Variants in DELE1 observed in about 807,000 individuals in gnomAD.
DELE1 encodes the protein DAP3 binding cell death enhancer 1.
Under a neutral mutation model 59.3 loss-of-function variants are expected in DELE1, and 54 were observed. The observed-to-expected ratio is 0.91, with a 90% confidence interval of 0.73 to 1.14. The LOEUF (loss-of-function observed/expected upper bound fraction) is 1.14. Among genes scored for constraint, DELE1 ranks in the 50% most tolerant of loss-of-function variants. The pLI is 0.00. For missense variants in DELE1, 636 were observed against 643.9 expected (o/e 0.99, Z 0.13); for synonymous variants, 264 against 259.1 (o/e 1.02, Z -0.18).
In DELE1 at chr5:141,930,010, T is replaced by C. The variant is rs1465196119; in HGVS notation, c.593T>C (p.Leu198Pro). Residue 198 changes from leucine (L) to proline (P), a missense_variant, in exon 6 of 12, where the codon CTG (leucine) becomes CCG (proline). By Grantham distance (98) the Leu-to-Pro change is moderately conservative. Coordinates refer to ENST00000432126, the MANE Select transcript of DELE1 (RefSeq NM_014773.5). ...SEEGPGDFGF[L>P]HASSSIESEA... ...GCAGGTCCCGGTGATTTTGGCTTCC[T>C]GCATGCCAGTAGTAGCATCGAGTCC... 6.2e-7 allele frequency: 1 copy of C among 1,614,180 alleles called. No individual in the cohort carries two copies. The highest frequency in any genetic ancestry group is 1.1e-5 in the South Asian group (1 of 91,084).
chr5:141,924,892 T>G (rs1751260485), intron 2 of DELE1, among the ~76,000 whole-genome samples, 197 bp downstream of exon 2: 1 of 151,560 alleles, frequency 6.6e-6, no homozygotes, highest in African/African-American at 2.4e-5. Flanking sequence ...GTAGCTGGGA[T>G]TACAGGCACC....
Position 141,940,499 on chromosome 5 carries a change from G to A in DELE1, c.*1740G>A. 1.0e-6 allele frequency: 1 copy of A among 985,398 alleles called. No homozygotes were observed. Among genetic ancestry groups the A allele is most frequent in the Non-Finnish European group, 1.2e-6 (1 of 829,954 alleles). 61.0% of individuals were successfully genotyped at this position (985,398 alleles called of 1,614,324 possible). A position where few individuals can be genotyped will look rare whatever the true frequency, so the allele number is the denominator to read the frequency against. Reference sequence around the variant, plus strand: ...ACCAGCCTGGCCAATTCAAAGGCAAGAAGATTTGAGGGGGGAAAGTTGTCC... The same window carrying A: ...ACCAGCCTGGCCAATTCAAAGGCAAAAAGATTTGAGGGGGGAAAGTTGTCC... On this transcript the variant is annotated 3_prime_UTR_variant, in exon 12 of 12. Coordinates refer to ENST00000432126, the MANE Select transcript of DELE1 (RefSeq NM_014773.5).
At position 141,940,691 on chromosome 5, in the gene DELE1, C is replaced by T. The variant is rs2126907598; in HGVS notation, c.*1932C>T. 2.0e-6 allele frequency: 2 copies of T among 979,246 alleles called. No individual in the cohort carries two copies. The highest frequency in any genetic ancestry group is 5.3e-4 in the Middle Eastern group (1 of 1,902). The allele number at this position is 979,246 out of a possible 1,614,324, so 60.7% of individuals were successfully genotyped here. A position where few individuals can be genotyped will look rare whatever the true frequency, so the allele number is the denominator to read the frequency against. ...GGCTGCCCTGCACACTGGCTCACCACTGTTGGACCCTGCACATGGCCACCT... is the reference window on the plus strand; with the variant it reads ...GGCTGCCCTGCACACTGGCTCACCATTGTTGGACCCTGCACATGGCCACCT... On this transcript the variant is annotated 3_prime_UTR_variant, in exon 12 of 12. Transcript: ENST00000432126.
chr5:141,939,946 C>T lies in DELE1; in HGVS notation c.*1187C>T, dbSNP rs1752639030. The T allele has an allele frequency of 1.1e-6, 1 of 933,150 alleles. No homozygotes were observed. Among genetic ancestry groups the T allele is most frequent in the South Asian group, 4.9e-5 (1 of 20,238 alleles). The allele number at this position is 933,150 out of a possible 1,614,324, so 57.8% of individuals were successfully genotyped here. On this transcript the variant is annotated 3_prime_UTR_variant, in exon 12 of 12. Coordinates refer to ENST00000432126, the MANE Select transcript of DELE1 (RefSeq NM_014773.5). ...TGGGCCAGGGTGAGGACCTGGGCCT[C>T]CTGACTCCTGGCCCAGAGTTCTTGT...
intron 4 of DELE1, among the ~76,000 whole-genome samples, chr5:141,928,501 C>T (rs1751612778): frequency 6.6e-6 from 1 of 152,222 alleles, no homozygotes; most frequent in Non-Finnish European, 1.5e-5. Flanking sequence ...CATTTCCTCC[C>T]ATCACCTCCA....
intron 3 of DELE1, among the ~76,000 whole-genome samples, chr5:141,927,814 C>G (rs1299807935): frequency 1.3e-5 from 2 of 152,186 alleles, no homozygotes; most frequent in Non-Finnish European, 2.9e-5. Flanking sequence ...CTTGATCAAG[C>G]ATTTATTCAG....
At chr5:141,927,070 C>G (rs893636826) in intron 3 of DELE1, among the ~76,000 whole-genome samples, 123 of 152,316 alleles carry the variant, frequency 8.1e-4, no homozygotes, top group African/African-American at 2.8e-3. Context: ...TAGTTTCCTT[C>G]TTGGCATTTA....
At chr5:141,930,473 G>C (rs1325468055) in intron 7 of DELE1, among the ~76,000 whole-genome samples, 199 bp downstream of exon 7, 1 of 152,204 alleles carries the variant, frequency 6.6e-6, no homozygotes, top group Admixed American at 6.5e-5. Context: ...CTCCCATCTT[G>C]AGGCGCAGTT....
chr5:141,928,020 G>A (rs1350766564), intron 3 of DELE1, 131 bp from the exon 4 acceptor site: 1 of 911,226 alleles, frequency 1.1e-6, no homozygotes, highest in Non-Finnish European at 1.7e-6. Flanking sequence ...AGAAGTTAGG[G>A]TGTTGTGAAA....
rs772498480 is a variant in DELE1, at chr5:141,930,214, G to T, written c.694G>T (p.Ala232Ser). Residue 232 changes from alanine to serine, a missense_variant, in exon 7 of 12, where the codon GCT (alanine) becomes TCT (serine). Coordinates refer to ENST00000432126, the MANE Select transcript of DELE1 (RefSeq NM_014773.5). Reference sequence around the variant, plus strand: ...ATCAAAAACTCTTTCCCTTGAGGAGGCTGTGACTTCCATTCAGCAGCTCTT... The same window carrying T: ...ATCAAAAACTCTTTCCCTTGAGGAGTCTGTGACTTCCATTCAGCAGCTCTT... ...DKSKTLSLEE[A>S]VTSIQQLFQL... The T allele has an allele frequency of 4.5e-5, 72 of 1,613,912 alleles. No homozygotes were observed. Among genetic ancestry groups the T allele is most frequent in the Non-Finnish European group, 5.3e-5 (62 of 1,179,902 alleles).
chr5:141,939,515 T>A lies in DELE1; in HGVS notation c.*756T>A, dbSNP rs887953922. The stretch of plus-strand genomic sequence containing the variant: ...ACCTTTGATTTGGAAGGAAGAAGTT[T>A]CTTGCCCAAATGCCTGGATGTGTCT... On this transcript the variant is annotated 3_prime_UTR_variant, in exon 12 of 12. Coordinates refer to ENST00000432126, the MANE Select transcript of DELE1 (RefSeq NM_014773.5). The A allele has an allele frequency of 1.0e-6, 1 of 985,864 alleles. No homozygotes were observed. Among genetic ancestry groups the A allele is most frequent in the Non-Finnish European group, 1.2e-6 (1 of 829,946 alleles). 61.1% of individuals were successfully genotyped at this position (985,864 alleles called of 1,614,324 possible).
At chr5:141,924,150 G>A (rs375290413) in intron 1 of DELE1, among the ~76,000 whole-genome samples, 178 bp downstream of exon 1, 6 of 152,248 alleles carry the variant, frequency 3.9e-5, no homozygotes, top group African/African-American at 1.4e-4. Context: ...GATGGGCCTA[G>A]CTAGAAGAGG....
chr5:141,933,310 A>T lies in DELE1; in HGVS notation c.806A>T (p.Gln269Leu), dbSNP rs984760296. The change falls in exon 8 of 12, where the codon CAG becomes CTG. Residue 269 changes from glutamine to leucine, a missense_variant. Transcript: ENST00000432126. ...CACACGGCAGCCTTTTCTTACTTCC[A>T]GAAAGCTGCAGCCCGCGGCTACAGC... is the stretch of plus-strand genomic sequence containing the variant. ...GDHTAAFSYF[Q>L]KAAARGYSKA... 6.4e-7 allele frequency: 1 copy of T among 1,570,916 alleles called. No homozygotes were observed. Among genetic ancestry groups the T allele is most frequent in the African/African-American group, 1.4e-5 (1 of 73,980 alleles).
intron 1 of DELE1, 72 bp downstream of exon 1, chr5:141,924,044 G>A (rs1751155325): frequency 6.4e-7 from 1 of 1,558,988 alleles, no homozygotes; most frequent in Non-Finnish European, 8.7e-7. Context: ...CGGGCCCGAG[G>A]AAACAGCCGA....
Position 141,937,249 on chromosome 5 carries a change from G to T in DELE1, c.1201G>T (p.Val401Leu). ...AATTTGCTATGAGAAAGGCCTTGGT[G>T]TGCAGAGGAATCTGGGAGAGGCCTT... ...LGICYEKGLG[V>L]QRNLGEALRC... The change falls in exon 11 of 12, where the codon GTG (valine) becomes TTG (leucine). Residue 401 changes from valine (V) to leucine (L), a missense_variant. By Grantham distance (32) the Val-to-Leu change is conservative. Transcript: ENST00000432126. 6.2e-7 allele frequency: 1 copy of T among 1,614,244 alleles called. No homozygotes were observed. Among genetic ancestry groups the T allele is most frequent in the Non-Finnish European group, 8.5e-7 (1 of 1,180,042 alleles).
In DELE1 at chr5:141,941,324, G is replaced by A; in HGVS notation, c.*2565G>A. 8 of 985,566 alleles carry A rather than the reference G, an allele frequency of 8.1e-6. No individual in the cohort carries two copies. The highest frequency in any genetic ancestry group is 9.6e-6 in the Non-Finnish European group (8 of 830,080). The allele number at this position is 985,566 out of a possible 1,614,324, so 61.1% of individuals were successfully genotyped here. On this transcript the variant is annotated 3_prime_UTR_variant, in exon 12 of 12. Transcript: ENST00000432126. ...TCAATTTGGGGTGCCAAAGGTTGGGGGTAGGATATTTTTAAGCTCTCCAAT... is the reference window on the plus strand; with the variant it reads ...TCAATTTGGGGTGCCAAAGGTTGGGAGTAGGATATTTTTAAGCTCTCCAAT...
intron 4 of DELE1, 89 bp downstream of exon 4, chr5:141,928,387 C>A: frequency 7.0e-7 from 1 of 1,421,172 alleles, no homozygotes; most frequent in South Asian, 1.4e-5. Flanking sequence ...GGAAAAGAGC[C>A]ATCAGCAGCT....
chr5:141,930,017 C>CAGT lies in DELE1; in HGVS notation c.606_608dup (p.Ser203dup), dbSNP rs757900208. ...CCGGTGATTTTGGCTTCCTGCATGC[C>CAGT]AGTAGTAGCATCGAGTCCGAGGCAA... On this transcript the variant is annotated inframe_insertion, in exon 6 of 12. Transcript: ENST00000432126. 9 of 1,614,172 alleles carry CAGT rather than the reference C, an allele frequency of 5.6e-6. No individual in the cohort carries two copies. The highest frequency in any genetic ancestry group is 7.6e-6 in the Non-Finnish European group (9 of 1,180,028).
intron 7 of DELE1, 84 bp downstream of exon 7, chr5:141,930,358 A>T: frequency 1.0e-6 from 1 of 987,884 alleles, no homozygotes; most frequent in East Asian, 2.4e-5. Context: ...CAAGATAGGG[A>T]GTGGCTTAAA....
Sources: gnomAD v4.1 joint callset for allele counts (sites outside exome capture counted in the v4.1 genomes callset) on GRCh38, gnomAD v4.1.1 for gene constraint, MANE v1.5 for transcripts, NCBI Gene and HGNC (gene_info 2026-07-23, HGNC 2026-07-21) for gene names.